The following CCDC40 variants were observed in gnomAD, a reference collection of about 807,000 sequenced individuals.
CCDC40 encodes the protein coiled-coil domain-containing protein 40.
CCDC40 carries 104 observed loss-of-function variants against 124.5 expected under a neutral mutation model. The observed-to-expected ratio is 0.84, with a 90% CI of 0.71 to 0.98. The LOEUF (loss-of-function observed/expected upper bound fraction) is 0.98. Ranked by LOEUF, CCDC40 falls within the 50% of genes least tolerant of loss-of-function variation. The pLI is 0.00. For synonymous variants in CCDC40, 580 were observed against 602.9 expected, an observed-to-expected ratio of 0.96 and a Z score of 0.56; for missense variants, 1,463 against 1,503.9, an observed-to-expected ratio of 0.97 and a Z score of 0.45.
rs2038516573 is a variant in CCDC40 at position 80,083,881 on chromosome 17, C to T, written c.1990-862C>T. On this transcript the variant is annotated intron_variant, in intron 12 of 19. Transcript: ENST00000397545. ...ACTATGCTGCAAATGTGATAGAGTA[C>T]AGCACAGCCATTACAGCTTACAGAG... 3.3e-5 allele frequency among the ~76,000 whole-genome samples: 5 copies of T among 152,222 alleles called. No homozygotes were observed. The South Asian group carries it at 1.0e-3, about 31-fold the overall frequency.
intron 3 of CCDC40, among the ~76,000 whole-genome samples, chr17:80,045,698 C>T (rs1223266621): frequency 6.6e-6 from 1 of 151,532 alleles, no homozygotes; most frequent in Non-Finnish European, 1.5e-5. Context: ...AGCGAGAGTC[C>T]ATCTCAAAAA....
In CCDC40 at chr17:80,088,015, C is replaced by G; in HGVS notation, c.2624C>G (p.Ser875Cys). ...CCCGCCCCCTCCCCCATGCAGGCCT[C>G]TGAGAGGGAGACCATCAAGATGCAG... Reference protein sequence around the residue: ...ENEFVRSLKASERETIKMQDK... With the variant: ...ENEFVRSLKACERETIKMQDK... Residue 875 changes from serine to cysteine, a missense_variant, in exon 16 of 20, where the codon TCT becomes TGT. Ser to Cys is a moderately radical substitution (Grantham distance 112). Transcript: ENST00000397545. 2 of 1,610,864 alleles carry G rather than the reference C, an allele frequency of 1.2e-6. No homozygotes were observed. Among genetic ancestry groups the G allele is most frequent in the Non-Finnish European group, 1.7e-6 (2 of 1,177,090 alleles).
At chr17:80,064,451 C>T (rs1474412107) in intron 9 of CCDC40, among the ~76,000 whole-genome samples, 2 of 152,104 alleles carry the variant, frequency 1.3e-5, no homozygotes, top group Non-Finnish European at 1.5e-5. Context: ...CGATCCAGGC[C>T]GTGCTGGGCA....
chr17:80,076,386 C>G (rs538747803), intron 10 of CCDC40, among the ~76,000 whole-genome samples: 1 of 152,088 alleles, frequency 6.6e-6, no homozygotes, highest in African/African-American at 2.4e-5. Context: ...CCAGCCTGGG[C>G]AACATGGTGA....
At chr17:80,074,941 G>C (rs895219464) in intron 10 of CCDC40, among the ~76,000 whole-genome samples, 9 of 151,852 alleles carry the variant, frequency 5.9e-5, no homozygotes, top group Non-Finnish European at 1.2e-4. Context: ...TGGTTTTTTT[G>C]AGGTGGAGTC....
intron 17 of CCDC40, chr17:80,090,969 G>C (rs1433613140): frequency 3.0e-6 from 1 of 338,104 alleles, no homozygotes; most frequent in Admixed American, 5.3e-5. Flanking sequence ...TCCACAGAGT[G>C]GGGGCCAAAG....
Position 80,086,440 on chromosome 17 carries a change from A to C in CCDC40, c.2449+224A>C. The stretch of plus-strand genomic sequence containing the variant: ...CGGGAGGGTTGAGAAATGTCACGAA[A>C]TGGCTCCAAGCTCACGGACTTCAGA... On this transcript the variant is annotated intron_variant, in intron 14 of 19. Coordinates refer to ENST00000397545, the MANE Select transcript of CCDC40 (RefSeq NM_017950.4). The surrounding 1 kb of genome is among the most constrained non-coding windows in gnomAD (Gnocchi z 5.5). 1.9e-6 allele frequency: 1 copy of C among 537,238 alleles called. No individual in the cohort carries two copies. Among genetic ancestry groups the C allele is most frequent in the East Asian group, 3.3e-5 (1 of 30,176 alleles). 33.3% of individuals were successfully genotyped at this position (537,238 alleles called of 1,614,324 possible). A position where few individuals can be genotyped will look rare whatever the true frequency, so the allele number is the denominator to read the frequency against.
At position 80,086,490 on chromosome 17, in the gene CCDC40, A is replaced by G; in HGVS notation, c.2449+274A>G. The G allele has an allele frequency of 2.3e-6, 1 of 436,372 alleles. No homozygotes were observed. The highest frequency in any genetic ancestry group is 2.1e-5 in the South Asian group (1 of 47,468). 27.0% of individuals were successfully genotyped at this position (436,372 alleles called of 1,614,324 possible). A position where few individuals can be genotyped will look rare whatever the true frequency, so the allele number is the denominator to read the frequency against. ...AGCTCTCCTTGAGAGAGGAGCATGG[A>G]AGGTTATCATCCCCGCCAAGCCAGG... On this transcript the variant is annotated intron_variant, in intron 14 of 19. Coordinates refer to ENST00000397545, the MANE Select transcript of CCDC40 (RefSeq NM_017950.4). This position sits in a 1 kb window ranked among gnomAD's most constrained non-coding sequence, Gnocchi z 5.5.
At chr17:80,056,820 A>G (rs2037760159) in intron 7 of CCDC40, among the ~76,000 whole-genome samples, 1 of 151,924 alleles carries the variant, frequency 6.6e-6, no homozygotes, top group African/African-American at 2.4e-5. Flanking sequence ...CAAGCGGATC[A>G]CAAGGTCAGG....
chr17:80,058,559 C>T lies in CCDC40; in HGVS notation c.1225C>T (p.Gln409Ter), dbSNP rs1472033145. Reference sequence around the variant, plus strand: ...TCTCTTCTACATGCAGAACATCGACCAGGACATGCGTGACGACATCCGCGT... The same window carrying T: ...TCTCTTCTACATGCAGAACATCGACTAGGACATGCGTGACGACATCCGCGT... ...LHLFYMQNIDQDMRDDIRVMT... is the reference protein window; with the variant it reads ...LHLFYMQNID Residue 409 changes from glutamine to a stop codon, truncating the protein, a stop_gained, in exon 8 of 20, where the codon CAG becomes TAG. Transcript: ENST00000397545. LOFTEE classifies it high-confidence loss of function. The surrounding 1 kb of genome is among the most constrained non-coding windows in gnomAD (Gnocchi z 4.2). 6.8e-6 allele frequency: 11 copies of T among 1,614,126 alleles called. No homozygotes were observed. Among genetic ancestry groups the T allele is most frequent in the Non-Finnish European group, 9.3e-6 (11 of 1,179,970 alleles).
intron 1 of CCDC40, 42 bp downstream of exon 1, chr17:80,036,733 C>T: frequency 1.4e-6 from 2 of 1,458,266 alleles, no homozygotes; most frequent in South Asian, 1.3e-5. Flanking sequence ...AGTCGCCAGG[C>T]CGCGCTCTCC....
Position 80,056,012 on chromosome 17 carries a change from A to ATTTTTTTTTT in CCDC40, c.1160-2481_1160-2480insTTTTTTTTTT, listed in dbSNP as rs1278622929. On this transcript the variant is annotated intron_variant, in intron 7 of 19. Coordinates refer to ENST00000397545, the MANE Select transcript of CCDC40 (RefSeq NM_017950.4). ...TATATATATATATATATATATATAT[A>ATTTTTTTTTT]TATATTTTTTTTTTTTTTTGGTAGA... 2.3e-3 allele frequency among the ~76,000 whole-genome samples: 33 copies of ATTTTTTTTTT among 14,136 alleles called. 1 individual carries two copies. Among genetic ancestry groups the ATTTTTTTTTT allele is most frequent in the East Asian group, 3.0e-3 (1 of 332 alleles). The allele number at this position is 14,136 out of a possible 152,430, so 9.3% of individuals were successfully genotyped here. A position where few individuals can be genotyped will look rare whatever the true frequency, so the allele number is the denominator to read the frequency against.
intron 3 of CCDC40, among the ~76,000 whole-genome samples, chr17:80,044,229 G>A (rs2037355345): frequency 6.6e-6 from 1 of 152,106 alleles, no homozygotes; most frequent in South Asian, 2.1e-4. Context: ...GAACCACAAG[G>A]CACCCATCCC....
intron 18 of CCDC40, among the ~76,000 whole-genome samples, chr17:80,097,022 C>T (rs925401435): frequency 6.6e-6 from 1 of 152,242 alleles, no homozygotes; most frequent in Non-Finnish European, 1.5e-5. Context: ...CACTCAGGCC[C>T]CCATCTCTCT....
intron 3 of CCDC40, among the ~76,000 whole-genome samples, chr17:80,043,485 ATTGGAACACACCCCTGCGGCCGGCC>A (rs57246791): frequency 0.24 from 35,641 of 150,634 alleles, 4,360 homozygotes; most frequent in African/African-American, 0.28. Context: ...ATCTATATTT[ATTGGAACACACCCCTGCGGCCGGCC>A]TTGGCTCACA....
rs1201579097 is a variant in CCDC40, at chr17:80,100,249, CCTT to C, written c.*478_*480del. ...GGTGCATCTGAAAACCCACAAACCA[CCTT>C]CTTTACCAGTTTTCCCATCCCCACC... On this transcript the variant is annotated 3_prime_UTR_variant, in exon 20 of 20. Transcript: ENST00000397545. 5.2e-6 allele frequency: 1 copy of C among 192,010 alleles called. No homozygotes were observed. Among genetic ancestry groups the C allele is most frequent in the Non-Finnish European group, 1.1e-5 (1 of 90,140 alleles). The allele number at this position is 192,010 out of a possible 1,614,324, so 11.9% of individuals were successfully genotyped here.
rs375471471 is a variant in CCDC40, at chr17:80,087,798, C to G, written c.2619+22C>G. Reference sequence around the variant, plus strand: ...GAAGGTCCGGCCGTGTCCACGCAGTCCCGGGGCTCAGGACGATGGAGGGCG... The same window carrying G: ...GAAGGTCCGGCCGTGTCCACGCAGTGCCGGGGCTCAGGACGATGGAGGGCG... On this transcript the variant is annotated intron_variant, in intron 15 of 19. Transcript: ENST00000397545. This position sits in a 1 kb window ranked among gnomAD's most constrained non-coding sequence, Gnocchi z 4.5. 14 of 1,612,536 alleles carry G rather than the reference C, an allele frequency of 8.7e-6. No individual in the cohort carries two copies. The highest frequency in any genetic ancestry group is 1.7e-4 in the Middle Eastern group (1 of 5,872).
At chr17:80,072,612 G>A (rs575993507) in intron 10 of CCDC40, among the ~76,000 whole-genome samples, 62 of 152,278 alleles carry the variant, frequency 4.1e-4, no homozygotes, top group Middle Eastern at 6.8e-3. Flanking sequence ...CCTGGCAACC[G>A]CTGTGCCGCC....
At position 80,067,311 on chromosome 17, in the gene CCDC40, C is replaced by T. The variant is rs928823762; in HGVS notation, c.1562+1705C>T. On this transcript the variant is annotated intron_variant, in intron 10 of 19. Transcript: ENST00000397545. ...AAATCGTATTCGATCAGGTCTCCTC[C>T]TCCTCGGCCCGCAGTCACTAGAACC... 3 of 575,204 alleles carry T rather than the reference C, an allele frequency of 5.2e-6. No individual in the cohort carries two copies. The African/African-American group carries it at 5.6e-5, about 11-fold the overall frequency. The allele number at this position is 575,204 out of a possible 1,614,324, so 35.6% of individuals were successfully genotyped here.
Sources: gnomAD v4.1 joint callset for allele counts (sites outside exome capture counted in the v4.1 genomes callset) on GRCh38, gnomAD v4.1.1 for gene constraint, Gnocchi (gnomAD v3.1) non-coding constraint, MANE v1.5 for transcripts, NCBI Gene and HGNC (gene_info 2026-07-23, HGNC 2026-07-21) for gene names.